TAF3: variants seen among roughly 807,000 people sequenced by gnomAD.
TAF3 encodes TATA-box binding protein associated factor 3, also known as transcription initiation factor TFIID subunit 3.
Under a neutral mutation model 80.6 loss-of-function variants are expected in TAF3, and 7 were observed. The observed-to-expected ratio is 0.09, with a 90% confidence interval of 0.05 to 0.16. TAF3 has a LOEUF of 0.16. Among genes scored for constraint, TAF3 ranks in the 10% least tolerant of loss-of-function variants. The probability of loss-of-function intolerance (pLI) is 1.00; values close to 1 mark genes in which losing one functional copy is unlikely to be tolerated. For synonymous variants in TAF3, 444 were observed against 446.1 expected (o/e 1.00, Z 0.06); for missense variants, 921 against 1,140.2 (o/e 0.81, Z 2.77).
chr10:7,997,942 A>G (rs1831905125), intron 4 of TAF3, among the ~76,000 whole-genome samples: 1 of 152,202 alleles, frequency 6.6e-6, no homozygotes, highest in African/African-American at 2.4e-5. Context: ...CTCACAAGTG[A>G]TGAAAAATTA....
chr10:7,982,741 G>A (rs902256826), intron 4 of TAF3, among the ~76,000 whole-genome samples: 2 of 152,154 alleles, frequency 1.3e-5, no homozygotes, highest in Non-Finnish European at 2.9e-5. Context: ...CACTTTCTCA[G>A]GAGAGAGTTT....
At chr10:8,007,860 G>C (rs999292422) in intron 4 of TAF3, among the ~76,000 whole-genome samples, 56 of 151,622 alleles carry the variant, frequency 3.7e-4, no homozygotes, top group African/African-American at 1.3e-3. Flanking sequence ...ATAATAAATT[G>C]AGTAATCCAA....
At chr10:7,999,874 G>A (rs976082186) in intron 4 of TAF3, among the ~76,000 whole-genome samples, 2 of 152,218 alleles carry the variant, frequency 1.3e-5, no homozygotes, top group African/African-American at 2.4e-5. Flanking sequence ...AGACGCACTC[G>A]ATTGTGCAGC....
In TAF3 at chr10:7,863,626, A is replaced by AAAAATATAT. The variant is rs1218836662; in HGVS notation, c.409+39067_409+39068insAAATATATA. 2.4e-3 allele frequency among the ~76,000 whole-genome samples: 117 copies of AAAAATATAT among 48,098 alleles called. 15 individuals are homozygous for AAAAATATAT. Among genetic ancestry groups the AAAAATATAT allele is most frequent in the South Asian group, 8.7e-3 (9 of 1,034 alleles). The allele number at this position is 48,098 out of a possible 152,430, so 31.6% of individuals were successfully genotyped here. On this transcript the variant is annotated intron_variant, in intron 2 of 6. Transcript: ENST00000344293. ...CTCTGTCTAAAAAAAAAAAAAAAAA[A>AAAAATATAT]ATATATATATATATATATATACACA...
At chr10:7,928,552 A>G (rs1438017556) in intron 2 of TAF3, among the ~76,000 whole-genome samples, 1 of 152,238 alleles carries the variant, frequency 6.6e-6, no homozygotes, top group Non-Finnish European at 1.5e-5. Context: ...GTCATTATCA[A>G]TAATAATTAC....
intron 2 of TAF3, among the ~76,000 whole-genome samples, chr10:7,826,444 TTTTTG>T (rs151093132): frequency 0.17 from 25,708 of 151,950 alleles, 2,578 homozygotes; most frequent in East Asian, 0.51. Flanking sequence ...TTTAGTGTTT[TTTTTG>T]TTTTGTTTTG....
chr10:7,858,285 G>A (rs527308786), intron 2 of TAF3, among the ~76,000 whole-genome samples: 2 of 152,300 alleles, frequency 1.3e-5, no homozygotes, highest in South Asian at 2.1e-4. Context: ...CATCAAAGAA[G>A]TGAGTGATGT....
intron 2 of TAF3, among the ~76,000 whole-genome samples, chr10:7,839,872 G>A (rs1323398407): frequency 1.3e-5 from 2 of 152,126 alleles, no homozygotes; most frequent in African/African-American, 2.4e-5. Flanking sequence ...GCGCCTCAGC[G>A]GAGGTGTATA....
At position 8,015,675 on chromosome 10, in the gene TAF3, T is replaced by C. The variant is rs1389969654; in HGVS notation, c.*924T>C. Reference sequence around the variant, plus strand: ...AGCCATCGTTCAAAGAAATTTCCCTTGAGCTCAGCCTGCGCAGTGCCCGGA... The same window carrying C: ...AGCCATCGTTCAAAGAAATTTCCCTCGAGCTCAGCCTGCGCAGTGCCCGGA... On this transcript the variant is annotated 3_prime_UTR_variant, in exon 7 of 7. Coordinates refer to ENST00000344293, the MANE Select transcript of TAF3 (RefSeq NM_031923.4). 1.3e-5 allele frequency: 2 copies of C among 152,174 alleles called. No individual in the cohort carries two copies. The highest frequency in any genetic ancestry group is 2.9e-5 in the Non-Finnish European group (2 of 68,032). The allele number at this position is 152,174 out of a possible 1,614,324, so 9.4% of individuals were successfully genotyped here. A position where few individuals can be genotyped will look rare whatever the true frequency, so the allele number is the denominator to read the frequency against.
intron 4 of TAF3, among the ~76,000 whole-genome samples, chr10:7,995,875 G>A (rs889944120): frequency 2.0e-5 from 3 of 152,264 alleles, no homozygotes; most frequent in East Asian, 1.9e-4. Context: ...AAGGAATAAC[G>A]ATTGACTTGA....
intron 2 of TAF3, among the ~76,000 whole-genome samples, chr10:7,905,268 C>G (rs1564360658): frequency 6.6e-6 from 1 of 152,156 alleles, no homozygotes. Context: ...AGAAGAGTGA[C>G]ACGCGCTGCC....
chr10:7,823,703 C>T (rs768835925), intron 1 of TAF3, among the ~76,000 whole-genome samples: 4 of 148,740 alleles, frequency 2.7e-5, no homozygotes, highest in African/African-American at 2.5e-5. Context: ...GGCACGATCT[C>T]GGCTCACTGC....
rs1036032663 is a variant in TAF3, at chr10:8,016,018, C to G, written c.*1267C>G. ...CATCAAATTTCAGGGTATCACAAAA[C>G]TTTATTATATTATTATACTGCCCAC... On this transcript the variant is annotated 3_prime_UTR_variant, in exon 7 of 7. Coordinates refer to ENST00000344293, the MANE Select transcript of TAF3 (RefSeq NM_031923.4). The G allele has an allele frequency of 2.6e-5, 4 of 151,896 alleles. No individual in the cohort carries two copies. Among genetic ancestry groups the G allele is most frequent in the African/African-American group, 7.3e-5 (3 of 41,362 alleles). 9.4% of individuals were successfully genotyped at this position (151,896 alleles called of 1,614,324 possible).
At chr10:7,882,775 C>G (rs1823042189) in intron 2 of TAF3, among the ~76,000 whole-genome samples, 1 of 152,118 alleles carries the variant, frequency 6.6e-6, no homozygotes, top group African/African-American at 2.4e-5. Flanking sequence ...GGTAATACAC[C>G]TGGGCTTTAT....
chr10:7,875,031 T>C (rs897868450), intron 2 of TAF3, among the ~76,000 whole-genome samples: 1 of 152,180 alleles, frequency 6.6e-6, no homozygotes, highest in Non-Finnish European at 1.5e-5. Flanking sequence ...CAATTATAGA[T>C]AGCAGTTTGT....
chr10:8,002,683 T>C (rs1244507354), intron 4 of TAF3, among the ~76,000 whole-genome samples: 1 of 152,220 alleles, frequency 6.6e-6, no homozygotes, highest in Non-Finnish European at 1.5e-5. Flanking sequence ...CAGATTTTTT[T>C]TAAATGTCCA....
rs115675563 is a variant in TAF3 at position 7,976,801 on chromosome 10, T to C, written c.2233-440T>C. 2.8e-3 allele frequency among the ~76,000 whole-genome samples: 425 copies of C among 152,322 alleles called. 4 individuals carry two copies. Among genetic ancestry groups the C allele is most frequent in the African/African-American group, 9.9e-3 (411 of 41,556 alleles). On this transcript the variant is annotated intron_variant, in intron 3 of 6. Transcript: ENST00000344293. ...TACACTTAGTATTTCAACTTTCTCA[T>C]TTGATAACGCAAACTTAAGATGAGT... is the stretch of plus-strand genomic sequence containing the variant.
intron 2 of TAF3, among the ~76,000 whole-genome samples, chr10:7,877,349 G>A (rs1837321000): frequency 6.6e-6 from 1 of 152,120 alleles, no homozygotes; most frequent in Non-Finnish European, 1.5e-5. Flanking sequence ...TCATATTTGA[G>A]TGTATTTCAC....
At chr10:7,924,747 C>T (rs1490844009) in intron 2 of TAF3, among the ~76,000 whole-genome samples, 2 of 151,052 alleles carry the variant, frequency 1.3e-5, no homozygotes, top group Non-Finnish European at 2.9e-5. Flanking sequence ...AGAACACTAT[C>T]TGTGTTTTTT....
Sources: gnomAD v4.1 joint callset for allele counts (sites outside exome capture counted in the v4.1 genomes callset) on GRCh38, gnomAD v4.1.1 for gene constraint, MANE v1.5 for transcripts, NCBI Gene and HGNC (gene_info 2026-07-23, HGNC 2026-07-21) for gene names.